NPR2: variants seen among roughly 807,000 people sequenced by gnomAD.
NPR2 encodes atrial natriuretic peptide receptor 2.
NPR2 carries 49 observed loss-of-function variants against 120.7 expected under a neutral mutation model. That is an observed-to-expected ratio of 0.41 (90% CI 0.32 to 0.52). NPR2 has a LOEUF of 0.52. NPR2 is among the 20% of genes least tolerant of loss of function. The pLI is 0.36. For missense variants in NPR2, 931 were observed against 1,362.9 expected (o/e 0.68, Z 4.99); for synonymous variants, 484 against 519.8 (o/e 0.93, Z 0.94).
intron 18 of NPR2, chr9:35,807,922 GAAT>G (rs1365210829): frequency 2.0e-6 from 1 of 510,272 alleles, no homozygotes; most frequent in Non-Finnish European, 3.5e-6. Context: ...TGTAAGATGG[GAAT>G]AATAGATTCG....
intron 2 of NPR2, among the ~76,000 whole-genome samples, chr9:35,795,080 T>A (rs557714166): frequency 6.6e-6 from 1 of 152,306 alleles, no homozygotes; most frequent in South Asian, 2.1e-4. Flanking sequence ...CAGTGACTTG[T>A]GTTCTAGAGA....
chr9:35,800,800 C>T lies in NPR2; in HGVS notation c.1310C>T (p.Pro437Leu). The T allele has an allele frequency of 1.9e-6, 3 of 1,614,118 alleles. No homozygotes were observed. Among genetic ancestry groups the T allele is most frequent in the Non-Finnish European group, 2.5e-6 (3 of 1,180,014 alleles). The change falls in exon 6 of 22, where the codon CCC becomes CTC. Residue 437 changes from proline (P) to leucine (L), a missense_variant. Around this residue, in one of 3 missense-constraint regions of NPR2, gnomAD observed 681 missense variants for 974.3 expected, o/e 0.70. Coordinates refer to ENST00000342694, the MANE Select transcript of NPR2 (RefSeq NM_003995.4). The surrounding 1 kb of genome is among the most constrained non-coding windows in gnomAD (Gnocchi z 4.7). ...AAGGGGGCTCCTCCCTCGGACAATC[C>T]CCCCTGTGCCTTTGACTTGGACGAC... ...WVKGAPPSDN[P>L]PCAFDLDDPS...
rs1333807494 is a variant in NPR2 at position 35,806,627 on chromosome 9, C to T, written c.2519+89C>T. The T allele has an allele frequency of 4.2e-6, 6 of 1,438,338 alleles. No individual in the cohort carries two copies. The East Asian group carries it at 1.4e-4, about 33-fold the overall frequency. 89.1% of individuals were successfully genotyped at this position (1,438,338 alleles called of 1,614,324 possible). Reference sequence around the variant, plus strand: ...TCAGGCACCTGAGAACTCGCCTCCCCACCCTCAGAACCCTGCTGGCCACAG... The same window carrying T: ...TCAGGCACCTGAGAACTCGCCTCCCTACCCTCAGAACCCTGCTGGCCACAG... On this transcript the variant is annotated intron_variant, in intron 16 of 21. Coordinates refer to ENST00000342694, the MANE Select transcript of NPR2 (RefSeq NM_003995.4). This position sits in a 1 kb window ranked among gnomAD's most constrained non-coding sequence, Gnocchi z 4.6.
chr9:35,794,913 C>T (rs1164374280), intron 2 of NPR2, among the ~76,000 whole-genome samples: 1 of 151,548 alleles, frequency 6.6e-6, no homozygotes, highest in Non-Finnish European at 1.5e-5. Flanking sequence ...AGACCTGGGG[C>T]AGTGAGACCA....
chr9:35,799,315 G>A (rs1190523272), intron 2 of NPR2, among the ~76,000 whole-genome samples: 2 of 151,916 alleles, frequency 1.3e-5, no homozygotes, highest in Admixed American at 6.6e-5. Context: ...TGGGCTTTGG[G>A]GATGGGGTTG....
chr9:35,800,859 C>A lies in NPR2; in HGVS notation c.1351+18C>A, dbSNP rs377615064. ...TGATAAAAGTGGGTGTGTGCAGGGA[C>A]TGGGAGCAGCTTTCCTCCCTTTGCT... On this transcript the variant is annotated intron_variant, in intron 6 of 21. Transcript: ENST00000342694. The surrounding 1 kb of genome is among the most constrained non-coding windows in gnomAD (Gnocchi z 4.7). 2.5e-6 allele frequency: 4 copies of A among 1,614,034 alleles called. No individual in the cohort carries two copies. The African/African-American group carries it at 5.3e-5, about 22-fold the overall frequency.
In NPR2 at chr9:35,800,505, AAG is replaced by A; in HGVS notation, c.1218+27_1218+28del. Reference sequence around the variant, plus strand: ...TCAGGTGATGGAGGAGGAGGCAGGGAAGAGAGTGTGGCCCTGCAAAATCCAGC... The same window carrying A: ...TCAGGTGATGGAGGAGGAGGCAGGGAAGAGTGTGGCCCTGCAAAATCCAGC... On this transcript the variant is annotated intron_variant, in intron 5 of 21. Coordinates refer to ENST00000342694, the MANE Select transcript of NPR2 (RefSeq NM_003995.4). This position sits in a 1 kb window ranked among gnomAD's most constrained non-coding sequence, Gnocchi z 4.7. 1.9e-6 allele frequency: 3 copies of A among 1,599,978 alleles called. No homozygotes were observed. Among genetic ancestry groups the A allele is most frequent in the South Asian group, 2.2e-5 (2 of 90,760 alleles).
intron 18 of NPR2, chr9:35,807,984 TAGGG>T: frequency 3.4e-6 from 2 of 594,786 alleles, no homozygotes; most frequent in Non-Finnish European, 6.0e-6. Flanking sequence ...GACTACTATT[TAGGG>T]ATAACTACTT....
rs920680007 is a variant in NPR2 at position 35,807,244 on chromosome 9, C to G, written c.2644-86C>G. ...GGAAAGATGAGTTTGTTCTAGAGTT[C>G]CCACATCTTTTGATGGCTTGTGGGT... On this transcript the variant is annotated intron_variant, in intron 17 of 21. Transcript: ENST00000342694. 13 of 1,490,680 alleles carry G rather than the reference C, an allele frequency of 8.7e-6. No individual in the cohort carries two copies. In the Admixed American group the frequency reaches 1.7e-4, roughly 19 times the overall value. 92.3% of individuals were successfully genotyped at this position (1,490,680 alleles called of 1,614,324 possible).
chr9:35,805,044 C>T lies in NPR2; in HGVS notation c.1888-467C>T, dbSNP rs144369652. ...TCCTCTACCCCGACTTGCCCACCTA[C>T]GCCTGGTTATGCATTAAAGTTTACA... On this transcript the variant is annotated intron_variant, in intron 12 of 21. Transcript: ENST00000342694. The surrounding 1 kb of genome is among the most constrained non-coding windows in gnomAD (Gnocchi z 4.9). Among the ~76,000 whole-genome samples, 73 of 152,328 alleles carry T rather than the reference C, an allele frequency of 4.8e-4. No individual in the cohort carries two copies. The highest frequency in any genetic ancestry group is 1.7e-3 in the East Asian group (9 of 5,186).
In NPR2 at chr9:35,806,221, G is replaced by C; in HGVS notation, c.2360G>C (p.Arg787Pro). The C allele has an allele frequency of 1.3e-5, 21 of 1,614,164 alleles. No individual in the cohort carries two copies. Among genetic ancestry groups the C allele is most frequent in the Non-Finnish European group, 1.8e-5 (21 of 1,180,038 alleles). Residue 787 changes from arginine (R) to proline (P), a missense_variant, in exon 15 of 22, where the codon CGG becomes CCG. Physicochemically the swap from Arg to Pro is moderately radical, Grantham distance 103. Transcript: ENST00000342694. The surrounding 1 kb of genome is among the most constrained non-coding windows in gnomAD (Gnocchi z 4.6). ...TTTGGACAGATTAAGGGCTTCATTC[G>C]GCGCTTTAACAAGTGAGAGGGCATT... ...PDFGQIKGFI[R>P]RFNKEGGTSI...
At position 35,801,086 on chromosome 9, in the gene NPR2, G is replaced by A. The variant is rs1480587869; in HGVS notation, c.1368G>A (p.Leu456=). 3 of 1,613,858 alleles carry A rather than the reference G, an allele frequency of 1.9e-6. No individual in the cohort carries two copies. In the Admixed American group the frequency reaches 5.0e-5, roughly 27 times the overall value. The change falls in exon 7 of 22, where the codon CTG becomes CTA. Residue 456 remains leucine, a synonymous_variant. Transcript: ENST00000342694. ...CCCCTTCAGCTCCACTTTCAACCCT[G>A]GCAATTGTGGCTCTGGGCACAGGAA... ...PSCDKTPLST[L]AIVALGTGIT...
rs1424788953 is a variant in NPR2, at chr9:35,792,112, G to T, written c.-297G>T. On this transcript the variant is annotated 5_prime_UTR_variant, in exon 1 of 22. Coordinates refer to ENST00000342694, the MANE Select transcript of NPR2 (RefSeq NM_003995.4). Reference sequence around the variant, plus strand: ...TAGATTTATCAGGCTTCTTCACCTCGCACTGTCCCCATCCTGGCCGCAGGC... The same window carrying T: ...TAGATTTATCAGGCTTCTTCACCTCTCACTGTCCCCATCCTGGCCGCAGGC... 1 of 457,982 alleles carries T rather than the reference G, an allele frequency of 2.2e-6. No individual in the cohort carries two copies. The highest frequency in any genetic ancestry group is 3.9e-6 in the Non-Finnish European group (1 of 254,922). 28.4% of individuals were successfully genotyped at this position (457,982 alleles called of 1,614,324 possible).
At chr9:35,804,985 G>A (rs530192597) in intron 12 of NPR2, among the ~76,000 whole-genome samples, 203 of 137,688 alleles carry the variant, frequency 1.5e-3, no homozygotes, top group African/African-American at 5.0e-3. Flanking sequence ...CCTCTACCCC[G>A]ACCTGCCCAC....
Position 35,800,738 on chromosome 9 carries a change from G to T in NPR2, c.1248G>T (p.Lys416Asn), listed in dbSNP as rs1340579773. ...CAGCCCACTACTCGGGAGCTGAGAA[G>T]CAGATTTGGTGGACGGGACGGCCTA... ...QPAAHYSGAE[K>N]QIWWTGRPIP... The change falls in exon 6 of 22, where the codon AAG (lysine) becomes AAT (asparagine). Residue 416 changes from lysine (K) to asparagine (N), a missense_variant. Lys to Asn is a moderately conservative substitution (Grantham distance 94). This residue lies in a region of NPR2 where 681 missense variants were observed against 974.3 expected (regional missense o/e 0.70). Transcript: ENST00000342694. This position sits in a 1 kb window ranked among gnomAD's most constrained non-coding sequence, Gnocchi z 4.7. 6.2e-7 allele frequency: 1 copy of T among 1,614,104 alleles called. No homozygotes were observed. Among genetic ancestry groups the T allele is most frequent in the African/African-American group, 1.3e-5 (1 of 74,930 alleles).
At chr9:35,804,736 T>C (rs1284667158) in intron 12 of NPR2, among the ~76,000 whole-genome samples, 1 of 151,614 alleles carries the variant, frequency 6.6e-6, no homozygotes, top group East Asian at 1.9e-4. Flanking sequence ...CTCCCTCTAG[T>C]AGATCTTATT....
At position 35,801,947 on chromosome 9, in the gene NPR2, C is replaced by T. The variant is rs2132082177; in HGVS notation, c.1579C>T (p.Leu527Phe). ...CCAGCGGGGATCCAGTTACGGCTCGCTCATGACAGCCCATGGGAAATACCA... is the reference window on the plus strand; with the variant it reads ...CCAGCGGGGATCCAGTTACGGCTCGTTCATGACAGCCCATGGGAAATACCA... ...LSLRGSSYGS[L>F]MTAHGKYQIF... Residue 527 changes from leucine (L) to phenylalanine (F), a missense_variant, in exon 9 of 22, where the codon CTC becomes TTC. Coordinates refer to ENST00000342694, the MANE Select transcript of NPR2 (RefSeq NM_003995.4). 6.2e-7 allele frequency: 1 copy of T among 1,614,190 alleles called. No individual in the cohort carries two copies. The highest frequency in any genetic ancestry group is 8.5e-7 in the Non-Finnish European group (1 of 1,180,016).
chr9:35,800,153 T>C lies in NPR2; in HGVS notation c.1119T>C (p.Tyr373=), dbSNP rs1588058101. The C allele has an allele frequency of 1.9e-6, 3 of 1,613,666 alleles. No homozygotes were observed. The highest frequency in any genetic ancestry group is 2.2e-5 in the East Asian group (1 of 44,870). The change falls in exon 4 of 22, where the codon TAT becomes TAC. Residue 373 remains tyrosine, a synonymous_variant. Transcript: ENST00000342694. The surrounding 1 kb of genome is among the most constrained non-coding windows in gnomAD (Gnocchi z 4.7). Reference sequence around the variant, plus strand: ...TGGAAAAGATGCAGGGACGAAGATATCACGGTAATGAAGAGGGGTCAATGG... The same window carrying C: ...TGGAAAAGATGCAGGGACGAAGATACCACGGTAATGAAGAGGGGTCAATGG... ...RIVEKMQGRR[Y]HGVTGLVVMD...
At position 35,792,384 on chromosome 9, in the gene NPR2, G is replaced by A. The variant is rs541861507; in HGVS notation, c.-25G>A. 1.9e-6 allele frequency: 3 copies of A among 1,605,664 alleles called. No homozygotes were observed. Among genetic ancestry groups the A allele is most frequent in the East Asian group, 2.2e-5 (1 of 44,736 alleles). On this transcript the variant is annotated 5_prime_UTR_variant, in exon 1 of 22. Transcript: ENST00000342694. The stretch of plus-strand genomic sequence containing the variant: ...GCCAGAGCAGCCCCAAGTTCTGGGG[G>A]CGGTGGGGCTGCTGCTTTATCCCCA...
Sources: allele counts gnomAD v4.1 joint callset (sites outside exome capture counted in the v4.1 genomes callset), GRCh38; gene constraint gnomAD v4.1.1; regional missense constraint gnomAD v4.1.1; non-coding constraint Gnocchi (gnomAD v3.1); transcripts MANE v1.5; gene names NCBI Gene and HGNC (gene_info 2026-07-23, HGNC 2026-07-21).